Variants in BAZ1A observed in about 807,000 individuals in gnomAD.
BAZ1A encodes bromodomain adjacent to zinc finger domain 1A.
Under a neutral mutation model 185.2 loss-of-function variants are expected in BAZ1A, and 50 were observed. The ratio of observed to expected loss-of-function variants is 0.27; its 90% CI spans 0.22 to 0.34. BAZ1A has a LOEUF of 0.34. Ranked by LOEUF, BAZ1A falls within the 10% of genes least tolerant of loss-of-function variation. BAZ1A has a pLI of 1.00. For synonymous variants in BAZ1A, 571 were observed against 615.6 expected (o/e 0.93, Z 1.07); for missense variants, 1,356 against 1,839.9 (o/e 0.74, Z 4.81).
intron 4 of BAZ1A, among the ~76,000 whole-genome samples, chr14:34,814,995 G>A (rs986229964): frequency 1.3e-5 from 2 of 150,152 alleles, no homozygotes; most frequent in African/African-American, 4.9e-5. Flanking sequence ...GGCTGGTCTC[G>A]AACTCCTGAC....
At chr14:34,780,500 A>G (rs1016555123) in intron 16 of BAZ1A, among the ~76,000 whole-genome samples, 190 bp from the exon 17 acceptor site, 3 of 152,186 alleles carry the variant, frequency 2.0e-5, no homozygotes, top group Non-Finnish European at 4.4e-5. Context: ...ATAAGTACTA[A>G]AACAAGAGAA....
chr14:34,851,548 C>T (rs528872996), intron 3 of BAZ1A, among the ~76,000 whole-genome samples: 26 of 151,956 alleles, frequency 1.7e-4, no homozygotes, highest in Non-Finnish European at 3.8e-4. Context: ...TGATTTAATT[C>T]TCCAGTTCCA....
intron 2 of BAZ1A, among the ~76,000 whole-genome samples, chr14:34,873,852 G>T (rs1462466885): frequency 6.6e-6 from 1 of 152,146 alleles, no homozygotes; most frequent in Admixed American, 6.5e-5. Context: ...AGCGCCGGAC[G>T]GGAGGCCGCG....
intron 3 of BAZ1A, among the ~76,000 whole-genome samples, chr14:34,838,414 T>C (rs2042360919): frequency 6.6e-6 from 1 of 152,180 alleles, no homozygotes; most frequent in African/African-American, 2.4e-5. Flanking sequence ...AAGAGCAATA[T>C]GAGAGAGCCC....
intron 2 of BAZ1A, among the ~76,000 whole-genome samples, chr14:34,864,807 C>T (rs1337267931): frequency 1.4e-5 from 2 of 140,806 alleles, no homozygotes; most frequent in East Asian, 2.1e-4. Context: ...ACAGAGTTCT[C>T]GCTCTGTCAC....
At chr14:34,828,188 G>A (rs2042189831) in intron 3 of BAZ1A, among the ~76,000 whole-genome samples, 1 of 151,460 alleles carries the variant, frequency 6.6e-6, no homozygotes, top group South Asian at 2.1e-4. Flanking sequence ...AGCTACTCCG[G>A]AGGCTGAGGA....
rs769229754 is a variant in BAZ1A, at chr14:34,826,132, G to A, written c.417C>T (p.Val139=). 6.2e-7 allele frequency: 1 copy of A among 1,610,628 alleles called. No individual in the cohort carries two copies. Among genetic ancestry groups the A allele is most frequent in the South Asian group, 1.1e-5 (1 of 89,784 alleles). Residue 139 remains valine (V), a synonymous_variant, in exon 4 of 27, where the codon GTC becomes GTT. Transcript: ENST00000360310. ...GARLQCRILE[V]LPPSHQNGFA... is the part of the protein sequence containing the mutation. ...AACCATTTTGATGTGATGGAGGGAG[G>A]ACTTCCAAAATCCTACACTGCAACC...
At chr14:34,809,903 A>T (rs10145350) in intron 5 of BAZ1A, among the ~76,000 whole-genome samples, 2 of 151,994 alleles carry the variant, frequency 1.3e-5, no homozygotes, top group African/African-American at 4.8e-5. Flanking sequence ...AAACTAAACA[A>T]ATTTTTAGAA....
At chr14:34,782,903 T>C (rs1880137657) in intron 16 of BAZ1A, among the ~76,000 whole-genome samples, 1 of 152,190 alleles carries the variant, frequency 6.6e-6, no homozygotes, top group African/African-American at 2.4e-5. Context: ...AGAATAACTC[T>C]GTGAAATACA....
chr14:34,763,182 C>T (rs1444784478), intron 23 of BAZ1A, among the ~76,000 whole-genome samples: 1 of 152,148 alleles, frequency 6.6e-6, no homozygotes, highest in East Asian at 1.9e-4. Flanking sequence ...CCAGTTTATC[C>T]CATGTACTTG....
At chr14:34,779,426 TGTTTTAAAAGCTCTGATCATATTAG>T (rs1474641928) in intron 17 of BAZ1A, among the ~76,000 whole-genome samples, 3 of 152,292 alleles carry the variant, frequency 2.0e-5, no homozygotes, top group African/African-American at 7.2e-5. Flanking sequence ...TTAGAAAGTA[TGTTTTAAAAGCTCTGATCATATTAG>T]GTTTGCTTTA....
At chr14:34,812,333 T>G (rs1475682417) in intron 4 of BAZ1A, among the ~76,000 whole-genome samples, 3 of 152,132 alleles carry the variant, frequency 2.0e-5, no homozygotes, top group East Asian at 3.8e-4. Flanking sequence ...GAAGGAGGCA[T>G]GCACAATTTA....
chr14:34,787,364 AAAAAG>A (rs1880543448), intron 12 of BAZ1A, among the ~76,000 whole-genome samples: 1 of 30,412 alleles, frequency 3.3e-5, no homozygotes, highest in Non-Finnish European at 8.4e-5. Flanking sequence ...AAAAAAAAAA[AAAAAG>A]AAAAGAAAAC....
At chr14:34,841,846 A>C (rs1288896617) in intron 3 of BAZ1A, among the ~76,000 whole-genome samples, 2 of 152,212 alleles carry the variant, frequency 1.3e-5, no homozygotes, top group Non-Finnish European at 2.9e-5. Context: ...ACTCATATTT[A>C]ATTATCCTGT....
intron 2 of BAZ1A, among the ~76,000 whole-genome samples, chr14:34,865,162 C>T (rs573955677): frequency 2.0e-5 from 3 of 152,166 alleles, no homozygotes; most frequent in South Asian, 4.2e-4. Context: ...GCAGGAGAAT[C>T]GCTTCAGTCC....
chr14:34,758,811 C>T lies in BAZ1A; in HGVS notation c.4279G>A (p.Gly1427Ser). Residue 1427 changes from glycine (G) to serine (S), a missense_variant, in exon 25 of 27, where the codon GGC (glycine) becomes AGC (serine). This residue lies in a region of BAZ1A where 309 missense variants were observed against 355.3 expected (regional missense o/e 0.87). Transcript: ENST00000360310. ...SPVTLGRRSSGRQGGVHELSA... is the reference protein window; with the variant it reads ...SPVTLGRRSSSRQGGVHELSA... ...AATTCATGAACTCCTCCCTGTCGGC[C>T]AGAACTCCTTCGACCCAGTGTCACA... 2 of 1,614,116 alleles carry T rather than the reference C, an allele frequency of 1.2e-6. No homozygotes were observed. Among genetic ancestry groups the T allele is most frequent in the African/African-American group, 1.3e-5 (1 of 75,028 alleles).
At chr14:34,873,715 G>T (rs1326052963) in intron 2 of BAZ1A, among the ~76,000 whole-genome samples, 1 of 152,162 alleles carries the variant, frequency 6.6e-6, no homozygotes, top group Non-Finnish European at 1.5e-5. Context: ...TCTTCCCCTT[G>T]CCCAGCCGCG....
intron 4 of BAZ1A, among the ~76,000 whole-genome samples, chr14:34,823,609 C>T (rs1310923542): frequency 1.3e-5 from 2 of 151,884 alleles, no homozygotes; most frequent in African/African-American, 2.4e-5. Flanking sequence ...TCCAGTGAGC[C>T]AAGATCGTGC....
intron 6 of BAZ1A, among the ~76,000 whole-genome samples, chr14:34,803,287 G>A (rs1043782356): frequency 5.3e-5 from 8 of 150,864 alleles, no homozygotes; most frequent in East Asian, 3.9e-4. Context: ...GCTGAGGCAG[G>A]AGAATCACTT....
Sources: allele counts gnomAD v4.1 joint callset (sites outside exome capture counted in the v4.1 genomes callset), GRCh38; gene constraint gnomAD v4.1.1; regional missense constraint gnomAD v4.1.1; transcripts MANE v1.5; gene names NCBI Gene and HGNC (gene_info 2026-07-23, HGNC 2026-07-21).